Variants in SLC9A4 observed in about 807,000 individuals in gnomAD.
SLC9A4 encodes solute carrier family 9 member A4.
SLC9A4 carries 63 observed loss-of-function variants against 67.4 expected under a neutral mutation model. The ratio of observed to expected loss-of-function variants is 0.93; its 90% CI spans 0.76 to 1.15. The LOEUF (loss-of-function observed/expected upper bound fraction) is 1.15, where lower values mean the gene tolerates loss of function less well. SLC9A4 is among the 50% of genes most tolerant of loss of function. SLC9A4 has a pLI of 0.00. For missense variants in SLC9A4, 1,089 were observed against 987.7 expected (o/e 1.10, Z -1.38); for synonymous variants, 393 against 367.2 (o/e 1.07, Z -0.80).
chr2:102,488,843 G>A (rs907732966), intron 2 of SLC9A4, among the ~76,000 whole-genome samples: 15 of 152,144 alleles, frequency 9.9e-5, no homozygotes, highest in Non-Finnish European at 7.3e-5. Flanking sequence ...CACTGCGCCA[G>A]GCCTGAAATC....
chr2:102,501,257 G>A (rs1048031416), intron 2 of SLC9A4, among the ~76,000 whole-genome samples: 6 of 150,576 alleles, frequency 4.0e-5, no homozygotes, highest in Admixed American at 3.3e-4. Context: ...AAGTAGCTGG[G>A]ACTACAAGCA....
chr2:102,512,966 G>T (rs1685195799), intron 7 of SLC9A4, among the ~76,000 whole-genome samples: 1 of 72,354 alleles, frequency 1.4e-5, no homozygotes, highest in African/African-American at 9.3e-5. Context: ...AGCGAGTCAG[G>T]GTGTGGAGGG....
chr2:102,528,638 C>A (rs1453649030), intron 11 of SLC9A4, among the ~76,000 whole-genome samples: 1 of 152,134 alleles, frequency 6.6e-6, no homozygotes, highest in African/African-American at 2.4e-5. Flanking sequence ...GGAGCAGATT[C>A]ATTTGAACAA....
chr2:102,489,729 G>C (rs1003870446), intron 2 of SLC9A4, among the ~76,000 whole-genome samples: 3 of 152,200 alleles, frequency 2.0e-5, no homozygotes, highest in Non-Finnish European at 2.9e-5. Flanking sequence ...TGAACACCTT[G>C]TTTAACTTCC....
intron 4 of SLC9A4, 119 bp from the exon 5 acceptor site, chr2:102,507,960 T>C: frequency 1.1e-6 from 1 of 870,518 alleles, no homozygotes; most frequent in Non-Finnish European, 1.9e-6. Flanking sequence ...CAATCATGGG[T>C]GTATGATGGA....
At chr2:102,498,012 A>T (rs1354915230) in intron 2 of SLC9A4, among the ~76,000 whole-genome samples, 1 of 152,206 alleles carries the variant, frequency 6.6e-6, no homozygotes, top group East Asian at 1.9e-4. Context: ...GGCTTGGAAA[A>T]TCTGTTAAAG....
chr2:102,474,100 G>A, intron 1 of SLC9A4, 85 bp downstream of exon 1: 1 of 1,487,376 alleles, frequency 6.7e-7, no homozygotes, highest in Non-Finnish European at 9.1e-7. Context: ...AACGGGCTAA[G>A]AGGATTTTAA....
At chr2:102,498,304 C>T (rs1218103098) in intron 2 of SLC9A4, among the ~76,000 whole-genome samples, 1 of 152,242 alleles carries the variant, frequency 6.6e-6, no homozygotes, top group Non-Finnish European at 1.5e-5. Flanking sequence ...ATATGTACTA[C>T]TTTAGCTTCT....
rs200342940 is a variant in SLC9A4, at chr2:102,479,277, C to G, written c.695C>G (p.Ala232Gly). The change falls in exon 2 of 12, where the codon GCC becomes GGC. Residue 232 changes from alanine (A) to glycine (G), a missense_variant. Ala to Gly is a moderately conservative substitution (Grantham distance 60). Coordinates refer to ENST00000295269, the MANE Select transcript of SLC9A4 (RefSeq NM_001011552.4). The part of the protein sequence containing the change: ...EQLYMMIFGE[A>G]LLNDGITVVL... ...CTCTACATGATGATCTTTGGGGAGG[C>G]CCTGCTCAATGATGGCATTACTGTG... is the stretch of plus-strand genomic sequence containing the variant. 2 of 1,612,002 alleles carry G rather than the reference C, an allele frequency of 1.2e-6. No homozygotes were observed. The highest frequency in any genetic ancestry group is 4.5e-5 in the East Asian group (2 of 44,844).
rs1025090957 is a variant in SLC9A4 at position 102,533,344 on chromosome 2, A to T, written c.*656A>T. The T allele has an allele frequency of 6.6e-6, 1 of 152,296 alleles. No homozygotes were observed. The highest frequency in any genetic ancestry group is 2.4e-5 in the African/African-American group (1 of 41,458). 9.4% of individuals were successfully genotyped at this position (152,296 alleles called of 1,614,324 possible). ...GGGTTTACGGTCTATTTCATAATTG[A>T]AATATTTATTTTAAAAATGAATATT... On this transcript the variant is annotated 3_prime_UTR_variant, in exon 12 of 12. Coordinates refer to ENST00000295269, the MANE Select transcript of SLC9A4 (RefSeq NM_001011552.4).
At chr2:102,499,109 G>A (rs11123934) in intron 2 of SLC9A4, among the ~76,000 whole-genome samples, 117,823 of 152,076 alleles carry the variant, frequency 0.77, 46,858 homozygotes, top group African/African-American at 0.93. Context: ...CCCACAGGCT[G>A]AAACACGTAT....
chr2:102,516,875 A>T (rs1296413041), intron 8 of SLC9A4, among the ~76,000 whole-genome samples: 1 of 152,168 alleles, frequency 6.6e-6, no homozygotes, highest in Admixed American at 6.5e-5. Context: ...TAAAATATAA[A>T]ATATTTATAT....
chr2:102,526,127 A>G (rs1674660253), intron 10 of SLC9A4, 132 bp from the exon 11 acceptor site: 2 of 826,708 alleles, frequency 2.4e-6, no homozygotes, highest in Admixed American at 4.1e-5. Flanking sequence ...ACCTCAGGTG[A>G]TCCGCCCTCT....
At chr2:102,496,069 GCA>G (rs1684802574) in intron 2 of SLC9A4, among the ~76,000 whole-genome samples, 1 of 151,946 alleles carries the variant, frequency 6.6e-6, no homozygotes, top group Non-Finnish European at 1.5e-5. Flanking sequence ...TCTTCAAAAT[GCA>G]CAGTCAAAAA....
At chr2:102,520,741 T>TCCC (rs1462752998) in intron 9 of SLC9A4, among the ~76,000 whole-genome samples, 4 of 152,272 alleles carry the variant, frequency 2.6e-5, no homozygotes, top group African/African-American at 9.6e-5. Flanking sequence ...TAGGCAAAGC[T>TCCC]CCCCATTTTC....
intron 11 of SLC9A4, among the ~76,000 whole-genome samples, chr2:102,526,947 C>T (rs915941680): frequency 1.3e-5 from 2 of 151,854 alleles, no homozygotes; most frequent in African/African-American, 4.8e-5. Flanking sequence ...ATGTAATATG[C>T]CGTGTTATCT....
At chr2:102,483,409 G>C (rs1053721296) in intron 2 of SLC9A4, among the ~76,000 whole-genome samples, 6 of 152,194 alleles carry the variant, frequency 3.9e-5, no homozygotes, top group Non-Finnish European at 8.8e-5. Context: ...CTTCTTGGGG[G>C]CAGCAGTCAC....
chr2:102,479,809 CACTT>C (rs1461619846), intron 2 of SLC9A4, among the ~76,000 whole-genome samples: 21 of 152,104 alleles, frequency 1.4e-4, no homozygotes, highest in Non-Finnish European at 2.6e-4. Context: ...GTTTTTGTAT[CACTT>C]AGTTGCAGGA....
At chr2:102,526,439 T>A in intron 11 of SLC9A4, 93 bp downstream of exon 11, 1 of 1,111,560 alleles carries the variant, frequency 9.0e-7, no homozygotes, top group Non-Finnish European at 1.3e-6. Context: ...TTAAGAACAT[T>A]ATGTAGGTTA....
Sources: allele counts gnomAD v4.1 joint callset (sites outside exome capture counted in the v4.1 genomes callset), GRCh38; gene constraint gnomAD v4.1.1; transcripts MANE v1.5; gene names NCBI Gene and HGNC (gene_info 2026-07-23, HGNC 2026-07-21).